Variants in RALYL observed in about 807,000 individuals in gnomAD.
The protein encoded by RALYL is RNA-binding Raly-like protein.
RALYL carries 29 observed loss-of-function variants against 35.1 expected under a neutral mutation model. The observed-to-expected ratio is 0.83, with a 90% CI of 0.61 to 1.13. The LOEUF (loss-of-function observed/expected upper bound fraction) is 1.13. Among genes scored for constraint, RALYL ranks in the 50% most tolerant of loss-of-function variants. The probability of loss-of-function intolerance (pLI) is 0.00; values close to 1 mark genes in which losing one functional copy is unlikely to be tolerated. For synonymous variants in RALYL, 120 were observed against 127.6 expected (o/e 0.94, Z 0.40); for missense variants, 359 against 360.4 (o/e 1.00, Z 0.03).
intron 4 of RALYL, among the ~76,000 whole-genome samples, chr8:84,838,106 G>A (rs771785156): frequency 6.6e-6 from 1 of 152,200 alleles, no homozygotes; most frequent in African/African-American, 2.4e-5. Context: ...GTTTATGAGG[G>A]AGAAAAGGGG....
chr8:84,843,963 T>A (rs1282509513), intron 4 of RALYL, among the ~76,000 whole-genome samples: 3 of 152,130 alleles, frequency 2.0e-5, no homozygotes, highest in Non-Finnish European at 4.4e-5. Flanking sequence ...ATACAAAAAT[T>A]AATTCAAGAT....
chr8:84,603,629 A>C (rs997834198), intron 2 of RALYL, among the ~76,000 whole-genome samples: 3 of 152,128 alleles, frequency 2.0e-5, no homozygotes, highest in African/African-American at 4.8e-5. Context: ...TCACATTGGC[A>C]CATGAGTAAG....
chr8:84,764,056 G>T (rs1353293531), intron 2 of RALYL, among the ~76,000 whole-genome samples: 1 of 152,156 alleles, frequency 6.6e-6, no homozygotes, highest in African/African-American at 2.4e-5. Flanking sequence ...GGCATTTGCC[G>T]AGTTTCCTGG....
chr8:84,483,804 T>A (rs2054304455), intron 1 of RALYL, among the ~76,000 whole-genome samples: 1 of 152,176 alleles, frequency 6.6e-6, no homozygotes, highest in South Asian at 2.1e-4. Flanking sequence ...CATTTTTACA[T>A]GCAGTGACAT....
chr8:84,686,059 C>T (rs556121400), intron 2 of RALYL, among the ~76,000 whole-genome samples: 1 of 152,158 alleles, frequency 6.6e-6, no homozygotes, highest in African/African-American at 2.4e-5. Flanking sequence ...ACAGCTGGTG[C>T]AGTTTTTTTG....
intron 1 of RALYL, among the ~76,000 whole-genome samples, chr8:84,259,826 T>C (rs1831907255): frequency 6.6e-6 from 1 of 152,192 alleles, no homozygotes; most frequent in South Asian, 2.1e-4. Flanking sequence ...TGCTGTGTGT[T>C]TCAGCAGTCT....
intron 1 of RALYL, among the ~76,000 whole-genome samples, chr8:84,280,103 T>C (rs757146995): frequency 2.6e-4 from 39 of 152,188 alleles, no homozygotes; most frequent in Non-Finnish European, 4.9e-4. Context: ...AGAACTGCTA[T>C]AATGGCTTTC....
intron 8 of RALYL, among the ~76,000 whole-genome samples, chr8:84,905,465 A>G (rs1846330554): frequency 6.6e-6 from 1 of 152,088 alleles, no homozygotes; most frequent in Admixed American, 6.6e-5. Flanking sequence ...GTCATCTGAT[A>G]GTTCCCTTTT....
chr8:84,406,213 A>C (rs1485566757), intron 1 of RALYL, among the ~76,000 whole-genome samples: 1 of 152,144 alleles, frequency 6.6e-6, no homozygotes, highest in Admixed American at 6.6e-5. Context: ...TCATGTTCTT[A>C]AATGGCTATA....
rs768936660 is a variant in RALYL at position 84,384,135 on chromosome 8, G to T, written c.-23-145164G>T. ...AATGCCTTTGTATCAAGAAGAGTAA[G>T]ATATTACACAATCACTTTAAACATA... On this transcript the variant is annotated intron_variant, in intron 1 of 8. Coordinates refer to ENST00000521268, the MANE Select transcript of RALYL (RefSeq NM_173848.7). Among the ~76,000 whole-genome samples the T allele has an allele frequency of 3.8e-4, 57 of 151,722 alleles. 1 individual carries two copies. The highest frequency in any genetic ancestry group is 6.6e-4 in the Admixed American group (10 of 15,196).
intron 1 of RALYL, among the ~76,000 whole-genome samples, chr8:84,513,377 G>A (rs116279411): frequency 0.015 from 2,251 of 151,848 alleles, 60 homozygotes; most frequent in African/African-American, 0.051. Flanking sequence ...AGCAATTTTT[G>A]TAGCTATTTG....
At chr8:84,407,035 T>TAC (rs1413859478) in intron 1 of RALYL, among the ~76,000 whole-genome samples, 42 of 141,750 alleles carry the variant, frequency 3.0e-4, no homozygotes, top group Admixed American at 7.6e-4. Context: ...TATATATATA[T>TAC]ACACACACAC....
chr8:84,690,697 A>T (rs948347621), intron 2 of RALYL, among the ~76,000 whole-genome samples: 1 of 152,072 alleles, frequency 6.6e-6, no homozygotes, highest in Non-Finnish European at 1.5e-5. Flanking sequence ...TCTAAGGTAA[A>T]GGAACTATTG....
At chr8:84,696,740 C>T (rs909648371) in intron 2 of RALYL, among the ~76,000 whole-genome samples, 27 of 151,860 alleles carry the variant, frequency 1.8e-4, no homozygotes, top group South Asian at 6.2e-4. Flanking sequence ...CATCTAAAAA[C>T]GGTTTTTATA....
chr8:84,560,464 G>A (rs1163990245), intron 2 of RALYL, among the ~76,000 whole-genome samples: 1 of 151,910 alleles, frequency 6.6e-6, no homozygotes, highest in Non-Finnish European at 1.5e-5. Context: ...TAACAATAGA[G>A]ACAATGTAGC....
chr8:84,378,278 C>T (rs757886021), intron 1 of RALYL, among the ~76,000 whole-genome samples: 23 of 151,868 alleles, frequency 1.5e-4, no homozygotes, highest in Non-Finnish European at 2.8e-4. Flanking sequence ...TTTGAACTCA[C>T]AGTATCGAAG....
chr8:84,662,721 A>T (rs1831168610), intron 2 of RALYL, among the ~76,000 whole-genome samples: 1 of 152,178 alleles, frequency 6.6e-6, no homozygotes, highest in African/African-American at 2.4e-5. Context: ...ATGGAAATGT[A>T]TTTTAATATA....
At chr8:84,865,619 G>T (rs1052351237) in intron 6 of RALYL, among the ~76,000 whole-genome samples, 1 of 151,936 alleles carries the variant, frequency 6.6e-6, no homozygotes, top group African/African-American at 2.4e-5. Context: ...ATAAAATAAA[G>T]AAAATGTGAC....
intron 2 of RALYL, among the ~76,000 whole-genome samples, chr8:84,677,153 A>G (rs1420535878): frequency 6.6e-6 from 1 of 152,212 alleles, no homozygotes; most frequent in Admixed American, 6.5e-5. Flanking sequence ...TGAAGAAGCC[A>G]AAAGATTTTA....
Sources: gnomAD v4.1 joint callset for allele counts (sites outside exome capture counted in the v4.1 genomes callset) on GRCh38, gnomAD v4.1.1 for gene constraint, MANE v1.5 for transcripts, NCBI Gene and HGNC (gene_info 2026-07-23, HGNC 2026-07-21) for gene names.